ST8SIA6: variants seen among roughly 807,000 people sequenced by gnomAD.
ST8SIA6 encodes the protein alpha-2,8-sialyltransferase 8F.
ST8SIA6 carries 39 observed loss-of-function variants against 33.6 expected under a neutral mutation model. The observed-to-expected ratio is 1.16, with a 90% CI of 0.90 to 1.52. The LOEUF is 1.52. Ranked by LOEUF, ST8SIA6 falls within the 40% of genes most tolerant of loss-of-function variation. The probability of loss-of-function intolerance (pLI) is 0.00; values close to 1 mark genes in which losing one functional copy is unlikely to be tolerated. For synonymous variants in ST8SIA6, 172 were observed against 167.2 expected, an observed-to-expected ratio of 1.03 and a Z score of -0.22; for missense variants, 441 against 443.8, an observed-to-expected ratio of 0.99 and a Z score of 0.06.
intron 4 of ST8SIA6, among the ~76,000 whole-genome samples, chr10:17,335,890 T>C (rs767899770): frequency 2.6e-5 from 4 of 152,146 alleles, no homozygotes; most frequent in South Asian, 2.1e-4. Context: ...CTCAAGAATA[T>C]TGCATCACCA....
intron 4 of ST8SIA6, among the ~76,000 whole-genome samples, chr10:17,340,305 C>G (rs1250650024): frequency 2.0e-5 from 3 of 149,624 alleles, no homozygotes; most frequent in African/African-American, 7.6e-5. Context: ...CCTGTTCCGT[C>G]CTGAGTCACC....
At chr10:17,327,573 G>A (rs947784612) in intron 5 of ST8SIA6, among the ~76,000 whole-genome samples, 1 of 145,748 alleles carries the variant, frequency 6.9e-6, no homozygotes, top group Non-Finnish European at 1.5e-5. Flanking sequence ...GCAACAGAAT[G>A]AGACTCCGTC....
At chr10:17,402,231 A>G (rs1851073152) in intron 2 of ST8SIA6, among the ~76,000 whole-genome samples, 1 of 152,230 alleles carries the variant, frequency 6.6e-6, no homozygotes, top group South Asian at 2.1e-4. Context: ...ACAATGAGAC[A>G]CCATCTCACA....
chr10:17,453,436 C>CT lies in ST8SIA6; in HGVS notation c.200+122dup, dbSNP rs570511290. ...CGCCCTCTTCAAACACACGCACACTCTTACACTCACTCGCGCCGTCCCAGC... is the reference window on the plus strand; with the variant it reads ...CGCCCTCTTCAAACACACGCACACTCTTTACACTCACTCGCGCCGTCCCAGC... On this transcript the variant is annotated intron_variant, in intron 2 of 7. Transcript: ENST00000377602. 1.5e-4 allele frequency: 102 copies of CT among 685,798 alleles called. No homozygotes were observed. In the South Asian group the frequency reaches 5.5e-3, roughly 37 times the overall value. The allele number at this position is 685,798 out of a possible 1,614,324, so 42.5% of individuals were successfully genotyped here.
chr10:17,341,826 A>C (rs754213540), intron 4 of ST8SIA6, among the ~76,000 whole-genome samples: 3 of 149,302 alleles, frequency 2.0e-5, no homozygotes, highest in Admixed American at 6.7e-5. Flanking sequence ...GCTTGAACCC[A>C]GGAAGCAGAG....
chr10:17,423,075 A>G (rs1398695959), intron 2 of ST8SIA6, among the ~76,000 whole-genome samples: 1 of 152,216 alleles, frequency 6.6e-6, no homozygotes, highest in Non-Finnish European at 1.5e-5. Flanking sequence ...CACCGGAGCC[A>G]AGGAGACACT....
chr10:17,441,954 C>T (rs1463879427), intron 2 of ST8SIA6, among the ~76,000 whole-genome samples: 2 of 151,754 alleles, frequency 1.3e-5, no homozygotes, highest in African/African-American at 4.8e-5. Flanking sequence ...CTGCAACCTC[C>T]ACCTCCCAGG....
At position 17,333,688 on chromosome 10, in the gene ST8SIA6, T is replaced by TAG. The variant is rs1391580983; in HGVS notation, c.378-2137_378-2136insCT. ...TGGTGCTGGGATATATATATATATA[T>TAG]ATATATATATATATATATATATATA... On this transcript the variant is annotated intron_variant, in intron 4 of 7. Transcript: ENST00000377602. Among the ~76,000 whole-genome samples the TAG allele has an allele frequency of 1.1e-3, 23 of 21,322 alleles. 1 individual carries two copies. Among genetic ancestry groups the TAG allele is most frequent in the African/African-American group, 3.3e-3 (23 of 6,934 alleles). The allele number at this position is 21,322 out of a possible 152,430, so 14.0% of individuals were successfully genotyped here. A position where few individuals can be genotyped will look rare whatever the true frequency, so the allele number is the denominator to read the frequency against.
chr10:17,415,402 A>C (rs1377805686), intron 2 of ST8SIA6, among the ~76,000 whole-genome samples: 1 of 152,178 alleles, frequency 6.6e-6, no homozygotes, highest in Non-Finnish European at 1.5e-5. Context: ...GAGAAGACTG[A>C]AGCCTATCCC....
At chr10:17,427,690 T>A (rs1851981178) in intron 2 of ST8SIA6, among the ~76,000 whole-genome samples, 1 of 152,238 alleles carries the variant, frequency 6.6e-6, no homozygotes, top group Admixed American at 6.5e-5. Context: ...AAAGTCCTGA[T>A]ATACATGGAC....
At chr10:17,405,231 C>T (rs1851212073) in intron 2 of ST8SIA6, among the ~76,000 whole-genome samples, 1 of 151,866 alleles carries the variant, frequency 6.6e-6, no homozygotes, top group African/African-American at 2.4e-5. Context: ...AATAGCCAGG[C>T]ATGGTAGTAC....
Position 17,320,751 on chromosome 10 carries a change from G to A in ST8SIA6, c.*127C>T. 1.2e-6 allele frequency: 1 copy of A among 849,594 alleles called. No individual in the cohort carries two copies. The highest frequency in any genetic ancestry group is 1.8e-6 in the Non-Finnish European group (1 of 547,592). The allele number at this position is 849,594 out of a possible 1,614,324, so 52.6% of individuals were successfully genotyped here. On this transcript the variant is annotated 3_prime_UTR_variant, in exon 8 of 8. Coordinates refer to ENST00000377602, the MANE Select transcript of ST8SIA6 (RefSeq NM_001004470.3). ...CCATCATTGCAAAATGAGTGGGGAA[G>A]CTTTGGTCAAACCAAATTTTGGGGC...
chr10:17,377,091 C>G (rs919967288), intron 3 of ST8SIA6, among the ~76,000 whole-genome samples: 1 of 152,166 alleles, frequency 6.6e-6, no homozygotes, highest in Admixed American at 6.5e-5. Flanking sequence ...TTACTGATGA[C>G]ATTCCACCAT....
chr10:17,442,572 C>T (rs150226215), intron 2 of ST8SIA6, among the ~76,000 whole-genome samples: 638 of 152,206 alleles, frequency 4.2e-3, no homozygotes, highest in Middle Eastern at 0.01. Flanking sequence ...CCTACAGAAG[C>T]GAGTGCTAGC....
At chr10:17,352,823 T>C (rs1184836929) in intron 4 of ST8SIA6, among the ~76,000 whole-genome samples, 2 of 152,128 alleles carry the variant, frequency 1.3e-5, no homozygotes, top group Non-Finnish European at 2.9e-5. Context: ...AGGCATGCTG[T>C]ATGGTAATGA....
intron 6 of ST8SIA6, among the ~76,000 whole-genome samples, chr10:17,324,266 A>G (rs1848053305): frequency 6.6e-6 from 1 of 152,166 alleles, no homozygotes; most frequent in South Asian, 2.1e-4. Context: ...ACAGAAGATG[A>G]AATAAGCTGT....
chr10:17,346,607 A>G (rs1304602079), intron 4 of ST8SIA6, among the ~76,000 whole-genome samples: 1 of 152,156 alleles, frequency 6.6e-6, no homozygotes, highest in Non-Finnish European at 1.5e-5. Context: ...AACAGTAACA[A>G]CAACAACAAA....
intron 2 of ST8SIA6, among the ~76,000 whole-genome samples, chr10:17,429,029 T>C (rs1330745092): frequency 1.3e-5 from 2 of 152,038 alleles, no homozygotes; most frequent in East Asian, 1.9e-4. Flanking sequence ...ATGATATTAG[T>C]AGCACATACA....
At chr10:17,421,316 G>A (rs1851774989) in intron 2 of ST8SIA6, among the ~76,000 whole-genome samples, 1 of 152,106 alleles carries the variant, frequency 6.6e-6, no homozygotes, top group Non-Finnish European at 1.5e-5. Flanking sequence ...TTCCCTCATG[G>A]GCATTGTTCC....
Sources: allele counts gnomAD v4.1 joint callset (sites outside exome capture counted in the v4.1 genomes callset), GRCh38; gene constraint gnomAD v4.1.1; transcripts MANE v1.5; gene names NCBI Gene and HGNC (gene_info 2026-07-23, HGNC 2026-07-21).